Variants in MAP4K4 observed in about 807,000 individuals in gnomAD.
The protein encoded by MAP4K4 is HPK/GCK-like kinase HGK.
MAP4K4 carries 38 observed loss-of-function variants against 189.6 expected under a neutral mutation model. The ratio of observed to expected loss-of-function variants is 0.20; its 90% CI spans 0.15 to 0.26. The LOEUF is 0.26. MAP4K4 is among the 10% of genes least tolerant of loss of function. The pLI is 1.00. For missense variants in MAP4K4, 1,054 were observed against 1,726.9 expected, an observed-to-expected ratio of 0.61 and a Z score of 6.91; for synonymous variants, 610 against 624.3, an observed-to-expected ratio of 0.98 and a Z score of 0.34.
At chr2:101,782,669 C>T (rs994995136) in intron 2 of MAP4K4, among the ~76,000 whole-genome samples, 6 of 152,238 alleles carry the variant, frequency 3.9e-5, no homozygotes, top group Middle Eastern at 3.4e-3. Flanking sequence ...TTCCTTACTC[C>T]TGCTCTATTA....
intron 2 of MAP4K4, among the ~76,000 whole-genome samples, chr2:101,777,171 T>C (rs1262316204): frequency 1.3e-5 from 2 of 152,170 alleles, no homozygotes; most frequent in African/African-American, 2.4e-5. Context: ...AGAAATCTTG[T>C]AGCATTTTTA....
At chr2:101,760,804 G>A (rs755785134) in intron 2 of MAP4K4, among the ~76,000 whole-genome samples, 7 of 152,078 alleles carry the variant, frequency 4.6e-5, no homozygotes, top group East Asian at 1.9e-4. Flanking sequence ...GGGAGTTGGC[G>A]ACCAGGCTGA....
At chr2:101,756,052 C>A (rs1282237377) in intron 2 of MAP4K4, among the ~76,000 whole-genome samples, 1 of 151,196 alleles carries the variant, frequency 6.6e-6, no homozygotes, top group Admixed American at 6.6e-5. Context: ...ACCATTCTCC[C>A]GCCTCAGCCT....
At chr2:101,816,603 A>G (rs2095735307) in intron 3 of MAP4K4, among the ~76,000 whole-genome samples, 1 of 152,298 alleles carries the variant, frequency 6.6e-6, no homozygotes, top group Middle Eastern at 3.4e-3. Flanking sequence ...CAGGTCAGGA[A>G]AGTGAAGACA....
At chr2:101,824,114 G>C (rs2096234009) in intron 4 of MAP4K4, 61 bp downstream of exon 4, 1 of 1,201,768 alleles carries the variant, frequency 8.3e-7, no homozygotes, top group South Asian at 1.8e-5. Context: ...TAAGGGCATG[G>C]CGGGGGTGGG....
At chr2:101,818,618 CA>C (rs2095857258) in intron 3 of MAP4K4, among the ~76,000 whole-genome samples, 1 of 152,208 alleles carries the variant, frequency 6.6e-6, no homozygotes, top group African/African-American at 2.4e-5. Flanking sequence ...AACAACAAAA[CA>C]CTCATACCAT....
At chr2:101,720,207 CCT>C (rs2050987205) in intron 2 of MAP4K4, among the ~76,000 whole-genome samples, 1 of 148,508 alleles carries the variant, frequency 6.7e-6, no homozygotes, top group Non-Finnish European at 1.5e-5. Flanking sequence ...TTTTGAGACC[CCT>C]GTCGCCCAGG....
intron 2 of MAP4K4, among the ~76,000 whole-genome samples, chr2:101,734,306 G>T (rs12614065): frequency 6.6e-6 from 1 of 152,240 alleles, no homozygotes; most frequent in Admixed American, 6.5e-5. Context: ...CTTTTACTGT[G>T]TAGAAGCTGA....
At chr2:101,838,389 A>G (rs570965290) in intron 9 of MAP4K4, among the ~76,000 whole-genome samples, 9 of 152,384 alleles carry the variant, frequency 5.9e-5, no homozygotes, top group African/African-American at 1.9e-4. Flanking sequence ...AGTAACAGCT[A>G]CTTTGAATGA....
intron 9 of MAP4K4, among the ~76,000 whole-genome samples, chr2:101,836,405 A>G (rs1026703384): frequency 6.6e-6 from 1 of 152,072 alleles, no homozygotes; most frequent in Non-Finnish European, 1.5e-5. Context: ...ACCAACATGG[A>G]GAAACCCCGT....
intron 7 of MAP4K4, among the ~76,000 whole-genome samples, chr2:101,833,545 G>A (rs189313060): frequency 9.9e-5 from 15 of 151,898 alleles, no homozygotes; most frequent in African/African-American, 1.2e-4. Flanking sequence ...GCGTGAACCC[G>A]GGAGGTGGAG....
intron 2 of MAP4K4, among the ~76,000 whole-genome samples, chr2:101,754,770 C>T (rs1409466194): frequency 6.6e-6 from 1 of 152,188 alleles, no homozygotes; most frequent in Non-Finnish European, 1.5e-5. Context: ...AAAGAAATGC[C>T]AACTCCTCAG....
intron 10 of MAP4K4, 42 bp from the exon 11 acceptor site, chr2:101,842,567 G>C (rs745704510): frequency 4.6e-5 from 66 of 1,441,468 alleles, no homozygotes; most frequent in Non-Finnish European, 5.7e-5. Context: ...CGTGTGTCAG[G>C]ACTTGTGAAC....
At chr2:101,833,874 T>C (rs985199080) in intron 7 of MAP4K4, among the ~76,000 whole-genome samples, 8 of 152,236 alleles carry the variant, frequency 5.3e-5, no homozygotes, top group Non-Finnish European at 8.8e-5. Context: ...CTTAGTGGCA[T>C]GATTTCAATT....
chr2:101,819,444 C>T (rs552344228), intron 3 of MAP4K4, among the ~76,000 whole-genome samples: 35 of 152,316 alleles, frequency 2.3e-4, no homozygotes, highest in Non-Finnish European at 4.6e-4. Context: ...CAAGTGGGCA[C>T]TCATAATTGG....
At chr2:101,730,775 TG>T (rs941832704) in intron 2 of MAP4K4, among the ~76,000 whole-genome samples, 61 of 152,200 alleles carry the variant, frequency 4.0e-4, no homozygotes, top group African/African-American at 1.5e-3. Flanking sequence ...TGGCCGGGTG[TG>T]GTGGCTCATG....
At chr2:101,752,554 T>C (rs1344577703) in intron 2 of MAP4K4, among the ~76,000 whole-genome samples, 1 of 152,138 alleles carries the variant, frequency 6.6e-6, no homozygotes. Context: ...AGAAGTCACA[T>C]AGTACTGGGA....
At chr2:101,754,352 T>C (rs2071062371) in intron 2 of MAP4K4, among the ~76,000 whole-genome samples, 1 of 144,346 alleles carries the variant, frequency 6.9e-6, no homozygotes, top group African/African-American at 2.6e-5. Context: ...TTTTTTTTTT[T>C]TTTTTTTTTT....
chr2:101,777,439 C>T (rs2084836245), intron 2 of MAP4K4, among the ~76,000 whole-genome samples: 1 of 152,168 alleles, frequency 6.6e-6, no homozygotes, highest in African/African-American at 2.4e-5. Flanking sequence ...TAGCGTATCC[C>T]ACCTTCGGTG....
Sources: gnomAD v4.1 joint callset for allele counts (sites outside exome capture counted in the v4.1 genomes callset) on GRCh38, gnomAD v4.1.1 for gene constraint, MANE v1.5 for transcripts, NCBI Gene and HGNC (gene_info 2026-07-23, HGNC 2026-07-21) for gene names.